The following KCNH1 variants were observed in gnomAD, a reference collection of about 807,000 sequenced individuals.
KCNH1 encodes potassium voltage-gated channel subfamily H member 1, also known as voltage-gated delayed rectifier potassium channel KCNH1.
A neutral mutation model predicts 69.2 loss-of-function variants in KCNH1; 27 were observed. The observed-to-expected ratio is 0.39, with a 90% CI of 0.29 to 0.54. The LOEUF (loss-of-function observed/expected upper bound fraction) is 0.54. Ranked by LOEUF, KCNH1 falls within the 20% of genes least tolerant of loss-of-function variation. The pLI is 0.68. For synonymous variants in KCNH1, 456 were observed against 487.7 expected (o/e 0.93, Z 0.86); for missense variants, 798 against 1,261.6 (o/e 0.63, Z 5.57).
intron 2 of KCNH1, among the ~76,000 whole-genome samples, chr1:211,106,926 G>A (rs899992958): frequency 1.3e-5 from 2 of 152,144 alleles, no homozygotes; most frequent in Non-Finnish European, 2.9e-5. Context: ...TCATTTCACT[G>A]TATTTGAGCC....
chr1:211,023,125 A>C (rs1338909587), intron 5 of KCNH1, among the ~76,000 whole-genome samples: 1 of 135,670 alleles, frequency 7.4e-6, no homozygotes, highest in African/African-American at 2.9e-5. Flanking sequence ...AAAATAAATA[A>C]ATAAATAAAT....
At chr1:210,951,884 C>G (rs181876904) in intron 6 of KCNH1, among the ~76,000 whole-genome samples, 1 of 152,208 alleles carries the variant, frequency 6.6e-6, no homozygotes, top group East Asian at 1.9e-4. Flanking sequence ...CTAGAACGTT[C>G]TCCTTACTCC....
chr1:210,679,215 A>G lies in KCNH1; in HGVS notation c.*4066T>C, dbSNP rs970316521. On this transcript the variant is annotated 3_prime_UTR_variant, in exon 11 of 11. Coordinates refer to ENST00000271751, the MANE Select transcript of KCNH1 (RefSeq NM_172362.3). ...TGAAGCGAGTGAGAAGGCAGTATATAGAGCAATAACAATGATTTAGCAACA... is the reference window on the plus strand; with the variant it reads ...TGAAGCGAGTGAGAAGGCAGTATATGGAGCAATAACAATGATTTAGCAACA... 2.0e-5 allele frequency: 3 copies of G among 152,246 alleles called. No homozygotes were observed. Among genetic ancestry groups the G allele is most frequent in the Non-Finnish European group, 4.4e-5 (3 of 68,052 alleles). 9.4% of individuals were successfully genotyped at this position (152,246 alleles called of 1,614,324 possible).
chr1:211,023,398 A>T (rs1252570517), intron 5 of KCNH1, among the ~76,000 whole-genome samples: 3 of 151,758 alleles, frequency 2.0e-5, no homozygotes, highest in African/African-American at 7.2e-5. Flanking sequence ...GAATCAACCT[A>T]AGTGTCCATT....
rs543544875 is a variant in KCNH1 at position 210,725,109 on chromosome 1, A to G, written c.2113-40971T>C. Among the ~76,000 whole-genome samples, 30 of 152,284 alleles carry G rather than the reference A, an allele frequency of 2.0e-4. 1 individual carries two copies. The South Asian group carries it at 5.0e-3, about 25-fold the overall frequency. On this transcript the variant is annotated intron_variant, in intron 10 of 10. Coordinates refer to ENST00000271751, the MANE Select transcript of KCNH1 (RefSeq NM_172362.3). The stretch of plus-strand genomic sequence containing the variant: ...TGCCATTCAATTAACCCTTTCTTCT[A>G]TGTCAGACTGTGGCTTCTAACTGCA...
chr1:210,778,181 G>A (rs1471863679), intron 9 of KCNH1, among the ~76,000 whole-genome samples: 1 of 152,156 alleles, frequency 6.6e-6, no homozygotes, highest in South Asian at 2.1e-4. Flanking sequence ...ACCACATGTG[G>A]GAAGTGCAAG....
intron 7 of KCNH1, among the ~76,000 whole-genome samples, chr1:210,869,990 A>T (rs1686205530): frequency 6.6e-6 from 1 of 152,096 alleles, no homozygotes; most frequent in Non-Finnish European, 1.5e-5. Flanking sequence ...GCCTCTTCAA[A>T]TTCAAATTTT....
intron 5 of KCNH1, among the ~76,000 whole-genome samples, chr1:211,044,201 C>A (rs959481968): frequency 2.6e-5 from 4 of 152,168 alleles, no homozygotes; most frequent in Admixed American, 6.5e-5. Context: ...CCTAAAGACA[C>A]CTCCAAAGAG....
intron 7 of KCNH1, among the ~76,000 whole-genome samples, chr1:210,918,170 AG>A (rs1687386350): frequency 6.6e-6 from 1 of 152,202 alleles, no homozygotes; most frequent in East Asian, 1.9e-4. Flanking sequence ...TGACAATTTG[AG>A]GTAACAAAAT....
chr1:210,898,414 T>TA (rs1427263998), intron 7 of KCNH1, among the ~76,000 whole-genome samples: 4 of 152,160 alleles, frequency 2.6e-5, no homozygotes, highest in Non-Finnish European at 5.9e-5. Context: ...TCTGGTGGCT[T>TA]ACAGTCTTGA....
intron 10 of KCNH1, among the ~76,000 whole-genome samples, chr1:210,693,788 C>T (rs1003644995): frequency 2.6e-5 from 4 of 152,210 alleles, no homozygotes; most frequent in Non-Finnish European, 5.9e-5. Context: ...CCTGTGGCCT[C>T]ACCTGCACTA....
At chr1:211,050,373 AAAC>A (rs1174623870) in intron 5 of KCNH1, among the ~76,000 whole-genome samples, 3 of 151,636 alleles carry the variant, frequency 2.0e-5, no homozygotes, top group Non-Finnish European at 4.4e-5. Flanking sequence ...ATCCCTAGCT[AAAC>A]AACGTCTTAA....
chr1:210,917,243 GAA>G (rs1574337318), intron 7 of KCNH1, among the ~76,000 whole-genome samples: 1 of 140,008 alleles, frequency 7.1e-6, no homozygotes, highest in South Asian at 2.3e-4. Context: ...AAGAAAGAAA[GAA>G]AGAAAGAAAG....
intron 7 of KCNH1, among the ~76,000 whole-genome samples, chr1:210,843,245 C>T (rs182296027): frequency 3.3e-5 from 5 of 152,220 alleles, no homozygotes; most frequent in South Asian, 2.1e-4. Context: ...ATGGGAGTGG[C>T]GCTTCTAGAC....
intron 1 of KCNH1, among the ~76,000 whole-genome samples, chr1:211,112,670 C>A (rs886530233): frequency 1.3e-5 from 2 of 152,042 alleles, no homozygotes; most frequent in East Asian, 1.9e-4. Context: ...TCACTACTAA[C>A]CCAAGCAAGC....
At chr1:210,901,904 G>C (rs1558518117) in intron 7 of KCNH1, among the ~76,000 whole-genome samples, 1 of 152,264 alleles carries the variant, frequency 6.6e-6, no homozygotes, top group East Asian at 1.9e-4. Context: ...TGGAATCCTT[G>C]ACCTCTGAAA....
intron 7 of KCNH1, among the ~76,000 whole-genome samples, chr1:210,897,474 G>C (rs919464817): frequency 8.5e-5 from 13 of 152,188 alleles, no homozygotes; most frequent in African/African-American, 3.1e-4. Context: ...TGCATGGGTA[G>C]GGAAAGAAAT....
At chr1:211,021,603 C>T (rs566405007) in intron 5 of KCNH1, among the ~76,000 whole-genome samples, 41 of 151,344 alleles carry the variant, frequency 2.7e-4, no homozygotes, top group Non-Finnish European at 4.6e-4. Flanking sequence ...CACACACAAC[C>T]TGTTAGAACT....
chr1:210,898,685 G>GT (rs1553357270), intron 7 of KCNH1, among the ~76,000 whole-genome samples: 1 of 151,894 alleles, frequency 6.6e-6, no homozygotes, highest in East Asian at 1.9e-4. Context: ...TGGCGGCGGG[G>GT]GGGGGTCCTG....
Sources: gnomAD v4.1 joint callset for allele counts (sites outside exome capture counted in the v4.1 genomes callset) on GRCh38, gnomAD v4.1.1 for gene constraint, MANE v1.5 for transcripts, NCBI Gene and HGNC (gene_info 2026-07-23, HGNC 2026-07-21) for gene names.